Variants in GRID2 observed in about 807,000 individuals in gnomAD.
GRID2 encodes glutamate receptor ionotropic, delta-2.
Under a neutral mutation model 114.8 loss-of-function variants are expected in GRID2, and 33 were observed. That is an observed-to-expected ratio of 0.29 (90% CI 0.22 to 0.38). GRID2 has a LOEUF of 0.38. Ranked by LOEUF, GRID2 falls within the 10% of genes least tolerant of loss-of-function variation. The probability of loss-of-function intolerance (pLI) is 1.00; values close to 1 mark genes in which losing one functional copy is unlikely to be tolerated. For synonymous variants in GRID2, 505 were observed against 449.9 expected (o/e 1.12, Z -1.55); for missense variants, 1,184 against 1,257.7 (o/e 0.94, Z 0.89).
intron 2 of GRID2, among the ~76,000 whole-genome samples, chr4:92,630,677 G>A (rs76018131): frequency 4.7e-3 from 717 of 152,078 alleles, no homozygotes; most frequent in Non-Finnish European, 8.1e-3. Flanking sequence ...ATTCTTAACC[G>A]AAAGTAGGTA....
chr4:93,485,539 T>C (rs1380247416), intron 11 of GRID2, among the ~76,000 whole-genome samples: 3 of 151,736 alleles, frequency 2.0e-5, no homozygotes, highest in Non-Finnish European at 4.4e-5. Flanking sequence ...GGCTGCATGG[T>C]ATTAATTTCT....
At chr4:92,764,698 TA>T (rs1738177743) in intron 2 of GRID2, among the ~76,000 whole-genome samples, 1 of 152,238 alleles carries the variant, frequency 6.6e-6, no homozygotes, top group Non-Finnish European at 1.5e-5. Flanking sequence ...TCTAAGGCTT[TA>T]AAAGACATGA....
chr4:92,808,379 T>A (rs1436822051), intron 2 of GRID2, among the ~76,000 whole-genome samples: 2 of 152,042 alleles, frequency 1.3e-5, no homozygotes, highest in African/African-American at 4.8e-5. Context: ...ATGGTACCAA[T>A]AAGGTGTAAA....
chr4:92,681,541 G>A (rs1004434746), intron 2 of GRID2, among the ~76,000 whole-genome samples: 2 of 152,058 alleles, frequency 1.3e-5, no homozygotes, highest in African/African-American at 2.4e-5. Context: ...GGCCTATTGT[G>A]GGGTGGGGAG....
intron 2 of GRID2, among the ~76,000 whole-genome samples, chr4:92,844,749 G>A (rs1464534504): frequency 1.3e-5 from 2 of 150,520 alleles, no homozygotes; most frequent in African/African-American, 4.9e-5. Flanking sequence ...TGAATTTGAT[G>A]AAGAAATCTG....
chr4:93,298,337 G>A (rs1754530625), intron 8 of GRID2, among the ~76,000 whole-genome samples: 1 of 152,174 alleles, frequency 6.6e-6, no homozygotes, highest in South Asian at 2.1e-4. Context: ...GGAGGCCAGT[G>A]TGGTCAGGTT....
intron 10 of GRID2, among the ~76,000 whole-genome samples, chr4:93,425,454 A>G (rs1560606905): frequency 6.6e-6 from 1 of 152,158 alleles, no homozygotes; most frequent in Non-Finnish European, 1.5e-5. Flanking sequence ...TTCTGGGGAA[A>G]GCCTGTGGTT....
intron 13 of GRID2, among the ~76,000 whole-genome samples, chr4:93,560,132 A>G (rs1181115492): frequency 1.4e-5 from 2 of 142,202 alleles, no homozygotes; most frequent in South Asian, 5.0e-4. Flanking sequence ...AATGCAGATG[A>G]TGGGTTGATG....
intron 9 of GRID2, among the ~76,000 whole-genome samples, chr4:93,416,790 A>G (rs1193806140): frequency 6.6e-6 from 1 of 152,114 alleles, no homozygotes; most frequent in Non-Finnish European, 1.5e-5. Flanking sequence ...GTTATTATCT[A>G]ATAACCCAAC....
chr4:93,336,336 A>AT (rs1031018775), intron 8 of GRID2, among the ~76,000 whole-genome samples: 2 of 152,032 alleles, frequency 1.3e-5, no homozygotes, highest in African/African-American at 4.8e-5. Flanking sequence ...CTTTCAACAT[A>AT]TTTTTTATGC....
chr4:92,807,238 AT>A, intron 2 of GRID2, among the ~76,000 whole-genome samples: 1 of 152,110 alleles, frequency 6.6e-6, no homozygotes, highest in African/African-American at 2.4e-5. Flanking sequence ...CTACTGCACC[AT>A]TTTTTAAATA....
chr4:92,929,382 TA>T (rs369464560), intron 2 of GRID2, among the ~76,000 whole-genome samples: 153 of 151,392 alleles, frequency 1.0e-3, no homozygotes, highest in Non-Finnish European at 1.1e-3. Context: ...ATATTTTGAT[TA>T]AAAAAATTAT....
chr4:93,052,495 A>G (rs777960090), intron 2 of GRID2, among the ~76,000 whole-genome samples: 39 of 151,992 alleles, frequency 2.6e-4, no homozygotes, highest in Non-Finnish European at 4.9e-4. Context: ...CTAAAAACCT[A>G]TACAGCACAT....
chr4:92,909,962 T>C (rs1748248131), intron 2 of GRID2, among the ~76,000 whole-genome samples: 1 of 152,006 alleles, frequency 6.6e-6, no homozygotes, highest in Non-Finnish European at 1.5e-5. Context: ...ATTAAGGAAG[T>C]CCTCCATTAG....
At chr4:93,185,842 A>C (rs1430522563) in intron 4 of GRID2, among the ~76,000 whole-genome samples, 1 of 152,058 alleles carries the variant, frequency 6.6e-6, no homozygotes, top group Non-Finnish European at 1.5e-5. Context: ...GGTTTGCTGC[A>C]CCCATTAACT....
chr4:93,331,125 A>C (rs1758379265), intron 8 of GRID2, among the ~76,000 whole-genome samples: 1 of 134,054 alleles, frequency 7.5e-6, no homozygotes. Flanking sequence ...GCTGCTATCT[A>C]ACCCCCCCCC....
intron 9 of GRID2, among the ~76,000 whole-genome samples, chr4:93,414,448 A>G (rs1488803205): frequency 1.3e-5 from 2 of 151,990 alleles, no homozygotes; most frequent in Non-Finnish European, 2.9e-5. Context: ...TGCCTCTCAG[A>G]TATTTCCTAA....
chr4:92,443,388 G>A (rs1036511071), intron 1 of GRID2, among the ~76,000 whole-genome samples: 1 of 151,990 alleles, frequency 6.6e-6, no homozygotes, highest in Admixed American at 6.6e-5. Context: ...TTAAGTTTTT[G>A]AGAACACAGG....
chr4:93,329,043 A>G (rs1758157556), intron 8 of GRID2, among the ~76,000 whole-genome samples: 1 of 152,226 alleles, frequency 6.6e-6, no homozygotes, highest in African/African-American at 2.4e-5. Context: ...TATTTAATAA[A>G]TGAATTAAAA....
Sources: gnomAD v4.1 joint callset for allele counts (sites outside exome capture counted in the v4.1 genomes callset) on GRCh38, gnomAD v4.1.1 for gene constraint, MANE v1.5 for transcripts, NCBI Gene and HGNC (gene_info 2026-07-23, HGNC 2026-07-21) for gene names.